Variants in HIF3A observed in about 807,000 individuals in gnomAD.
HIF3A encodes hypoxia-inducible factor 3-alpha.
A neutral mutation model predicts 67.2 loss-of-function variants in HIF3A; 41 were observed. The observed-to-expected ratio is 0.61, with a 90% confidence interval of 0.48 to 0.79. The LOEUF is 0.79. HIF3A is among the 30% of genes least tolerant of loss of function. HIF3A has a pLI of 0.00. For synonymous variants in HIF3A, 356 were observed against 374.8 expected (o/e 0.95, Z 0.58); for missense variants, 855 against 898.0 (o/e 0.95, Z 0.61).
chr19:46,331,346 G>A, intron 13 of HIF3A, 73 bp downstream of exon 13: 1 of 1,229,832 alleles, frequency 8.1e-7, no homozygotes, highest in South Asian at 1.2e-5. Flanking sequence ...TTTATAGATA[G>A]GAAACCAGAG....
At position 46,304,235 on chromosome 19, in the gene HIF3A, C is replaced by A. The variant is rs1968617405; in HGVS notation, c.217+147C>A. The stretch of plus-strand genomic sequence containing the variant: ...GTTTTTTTCGGCGGAGCCCCACCCC[C>A]CTGGAATCGACTTCCCCGGGGAGGC... On this transcript the variant is annotated intron_variant, in intron 2 of 14. Coordinates refer to ENST00000377670, the MANE Select transcript of HIF3A (RefSeq NM_152795.4). 6 of 677,818 alleles carry A rather than the reference C, an allele frequency of 8.9e-6. No homozygotes were observed. In the South Asian group the frequency reaches 1.1e-4, roughly 13 times the overall value. 42.0% of individuals were successfully genotyped at this position (677,818 alleles called of 1,614,324 possible). A position where few individuals can be genotyped will look rare whatever the true frequency, so the allele number is the denominator to read the frequency against.
At chr19:46,333,888 G>A (rs1315816508) in intron 13 of HIF3A, among the ~76,000 whole-genome samples, 1 of 146,570 alleles carries the variant, frequency 6.8e-6, no homozygotes, top group African/African-American at 2.6e-5. Flanking sequence ...CATCTCCCGG[G>A]TTCACGCCAT....
intron 11 of HIF3A, among the ~76,000 whole-genome samples, chr19:46,327,317 TTTC>T (rs1321777839): frequency 4.6e-5 from 7 of 151,158 alleles, no homozygotes; most frequent in Non-Finnish European, 1.0e-4. Context: ...TTTTTTCTTT[TTTC>T]TTTTTTTTTT....
chr19:46,298,279 C>T, intron 1 of HIF3A: 1 of 591,006 alleles, frequency 1.7e-6, no homozygotes, highest in Non-Finnish European at 2.7e-6. Context: ...AACTCTATCC[C>T]ACCCCTTTTG....
intron 8 of HIF3A, among the ~76,000 whole-genome samples, chr19:46,314,286 G>A (rs1229031239): frequency 6.8e-6 from 1 of 146,094 alleles, no homozygotes; most frequent in Non-Finnish European, 1.5e-5. Context: ...GCCAAGGAAG[G>A]AGGATGACTA....
At chr19:46,300,501 A>C (rs1215294011) in intron 1 of HIF3A, among the ~76,000 whole-genome samples, 2 of 152,172 alleles carry the variant, frequency 1.3e-5, no homozygotes, top group Non-Finnish European at 2.9e-5. Flanking sequence ...TCTCTACTAA[A>C]AATACAAAAA....
chr19:46,321,490 A>C (rs965197933), intron 9 of HIF3A, among the ~76,000 whole-genome samples: 1 of 152,208 alleles, frequency 6.6e-6, no homozygotes, highest in African/African-American at 2.4e-5. Context: ...AGACTGAGGC[A>C]GGAGAATTGC....
chr19:46,313,655 A>G (rs1388950308), intron 8 of HIF3A, among the ~76,000 whole-genome samples: 1 of 140,046 alleles, frequency 7.1e-6, no homozygotes, highest in Non-Finnish European at 1.5e-5. Flanking sequence ...TGGTTACACA[A>G]TTACCACGAT....
chr19:46,318,820 C>T (rs1477103288), intron 8 of HIF3A, among the ~76,000 whole-genome samples: 1 of 151,934 alleles, frequency 6.6e-6, no homozygotes, highest in Non-Finnish European at 1.5e-5. Flanking sequence ...GGGGTTTCAC[C>T]ATGTGGGCCA....
In HIF3A at chr19:46,297,136, T is replaced by TG. The variant is rs756991368; in HGVS notation, c.26+40dup. 2.8e-6 allele frequency: 2 copies of TG among 705,400 alleles called. No homozygotes were observed. Among genetic ancestry groups the TG allele is most frequent in the East Asian group, 5.3e-5 (1 of 19,032 alleles). The allele number at this position is 705,400 out of a possible 1,614,324, so 43.7% of individuals were successfully genotyped here. A position where few individuals can be genotyped will look rare whatever the true frequency, so the allele number is the denominator to read the frequency against. On this transcript the variant is annotated intron_variant, in intron 1 of 14. Transcript: ENST00000377670. The surrounding 1 kb of genome is among the most constrained non-coding windows in gnomAD (Gnocchi z 4.5). ...GTTCGGGGGCAGGAGTTCTGGGAAT[T>TG]GGGGGGCTCTCCTCCTGGAGACCCC...
At chr19:46,331,949 C>A (rs548376721) in intron 13 of HIF3A, among the ~76,000 whole-genome samples, 1 of 151,678 alleles carries the variant, frequency 6.6e-6, no homozygotes, top group East Asian at 1.9e-4. Flanking sequence ...CTGCAGGGAT[C>A]TTCTCTGCTC....
In HIF3A at chr19:46,342,176, C is replaced by G. The variant is rs1479750029; in HGVS notation, c.*2554C>G. The G allele has an allele frequency of 6.6e-6, 1 of 152,166 alleles. No homozygotes were observed. Among genetic ancestry groups the G allele is most frequent in the Non-Finnish European group, 1.5e-5 (1 of 68,036 alleles). 9.4% of individuals were successfully genotyped at this position (152,166 alleles called of 1,614,324 possible). ...CCTCATTCCGTAAGTTCCCTTGGCT[C>G]TAGACTTCATCATTTCCAGCTCCTC... On this transcript the variant is annotated 3_prime_UTR_variant, in exon 15 of 15. Transcript: ENST00000377670.
intron 14 of HIF3A, among the ~76,000 whole-genome samples, chr19:46,337,353 C>T (rs1270548767): frequency 2.0e-5 from 3 of 151,854 alleles, no homozygotes; most frequent in African/African-American, 4.8e-5. Context: ...TGGGCTCAAG[C>T]GATCCTCCCA....
chr19:46,338,440 C>T (rs1466933106), intron 14 of HIF3A: 22 of 758,160 alleles, frequency 2.9e-5, no homozygotes, highest in South Asian at 2.7e-4. Flanking sequence ...TGAGTTCAAG[C>T]GATCCACCTG....
chr19:46,332,783 A>G (rs140595667), intron 13 of HIF3A, among the ~76,000 whole-genome samples: 1 of 152,168 alleles, frequency 6.6e-6, no homozygotes, highest in African/African-American at 2.4e-5. Flanking sequence ...CTGGAGTTCA[A>G]GTCCAGCCTG....
At chr19:46,300,940 T>G (rs1601181490) in intron 1 of HIF3A, among the ~76,000 whole-genome samples, 1 of 151,494 alleles carries the variant, frequency 6.6e-6, no homozygotes, top group Non-Finnish European at 1.5e-5. Flanking sequence ...GCCTGGGAGG[T>G]GGGGCACTGG....
intron 1 of HIF3A, chr19:46,303,479 G>A: frequency 1.5e-6 from 1 of 667,160 alleles, no homozygotes; most frequent in Non-Finnish European, 2.6e-6. Context: ...GGGCCTGGGA[G>A]GCTGTAGGCC....
intron 3 of HIF3A, among the ~76,000 whole-genome samples, chr19:46,307,034 C>T (rs1344706114): frequency 6.6e-6 from 1 of 152,110 alleles, no homozygotes; most frequent in Non-Finnish European, 1.5e-5. Flanking sequence ...GCTTACTATT[C>T]CCCTCTTTCT....
intron 14 of HIF3A, 87 bp from the exon 15 acceptor site, chr19:46,339,438 T>G: frequency 2.3e-6 from 2 of 877,174 alleles, no homozygotes; most frequent in South Asian, 4.9e-5. Context: ...ATTTTAAACA[T>G]TATTCCTGAC....
Sources: allele counts gnomAD v4.1 joint callset (sites outside exome capture counted in the v4.1 genomes callset), GRCh38; gene constraint gnomAD v4.1.1; non-coding constraint Gnocchi (gnomAD v3.1); transcripts MANE v1.5; gene names NCBI Gene and HGNC (gene_info 2026-07-23, HGNC 2026-07-21).